The following STK32A variants were observed in gnomAD, a reference collection of about 807,000 sequenced individuals.
STK32A encodes serine/threonine kinase 32A.
STK32A carries 41 observed loss-of-function variants against 53.2 expected under a neutral mutation model. The ratio of observed to expected loss-of-function variants is 0.77; its 90% CI spans 0.60 to 1.00. STK32A has a LOEUF of 1.00. STK32A is among the 50% of genes least tolerant of loss of function. The probability of loss-of-function intolerance (pLI) is 0.00; values close to 1 mark genes in which losing one functional copy is unlikely to be tolerated. For missense variants in STK32A, 458 were observed against 485.8 expected, an observed-to-expected ratio of 0.94 and a Z score of 0.54; for synonymous variants, 166 against 162.8, an observed-to-expected ratio of 1.02 and a Z score of -0.15.
chr5:147,260,260 TCTCC>T (rs1490413079), intron 2 of STK32A, among the ~76,000 whole-genome samples: 1 of 135,654 alleles, frequency 7.4e-6, no homozygotes, highest in Non-Finnish European at 1.6e-5. Flanking sequence ...CTCTCCTCTC[TCTCC>T]CTCTCCCCTC....
chr5:147,294,929 C>G (rs1561700246), intron 4 of STK32A, among the ~76,000 whole-genome samples: 1 of 152,066 alleles, frequency 6.6e-6, no homozygotes, highest in Non-Finnish European at 1.5e-5. Context: ...ATGATCTGCC[C>G]GCCTCGGCCT....
intron 4 of STK32A, among the ~76,000 whole-genome samples, chr5:147,280,735 T>C (rs1440752953): frequency 1.3e-5 from 2 of 151,960 alleles, no homozygotes; most frequent in Non-Finnish European, 1.5e-5. Context: ...GGGCATATAA[T>C]CTTGGGAGTT....
intron 5 of STK32A, among the ~76,000 whole-genome samples, chr5:147,341,942 T>C (rs1755436262): frequency 6.6e-6 from 1 of 152,166 alleles, no homozygotes; most frequent in South Asian, 2.1e-4. Context: ...GTCTGGTGGT[T>C]AATACTTGGA....
downstream of STK32A, chr5:147,391,873 CG>C (rs1757818960): frequency 6.6e-6 from 1 of 152,112 alleles, no homozygotes; most frequent in Non-Finnish European, 1.5e-5. Context: ...TGGTTCACTT[CG>C]GAAGTCCCAA....
intron 2 of STK32A, among the ~76,000 whole-genome samples, chr5:147,259,536 C>A: frequency 8.0e-6 from 1 of 124,626 alleles, no homozygotes; most frequent in African/African-American, 3.4e-5. Flanking sequence ...TTAAATTTAC[C>A]CTGGCTTTTT....
chr5:147,373,430 GAA>G (rs1757093712), intron 10 of STK32A, 136 bp downstream of exon 10: 1 of 1,233,702 alleles, frequency 8.1e-7, no homozygotes. Context: ...ACAGATGAGA[GAA>G]TTGAGACATG....
intron 7 of STK32A, among the ~76,000 whole-genome samples, chr5:147,358,014 G>T (rs1756333360): frequency 6.6e-6 from 1 of 151,420 alleles, no homozygotes; most frequent in African/African-American, 2.4e-5. Context: ...TTTTTTTCTT[G>T]TAGATGAAAT....
chr5:147,266,819 G>A (rs1754832200), intron 2 of STK32A, among the ~76,000 whole-genome samples: 1 of 152,106 alleles, frequency 6.6e-6, no homozygotes, highest in Non-Finnish European at 1.5e-5. Context: ...GAGGTCGGGA[G>A]TTCAAGACCA....
intron 4 of STK32A, among the ~76,000 whole-genome samples, chr5:147,309,920 A>G (rs970523813): frequency 1.3e-5 from 2 of 152,180 alleles, no homozygotes; most frequent in African/African-American, 2.4e-5. Context: ...TTTTAATGTT[A>G]TTATATATGT....
At chr5:147,377,804 G>T (rs915866060) in intron 11 of STK32A, among the ~76,000 whole-genome samples, 2 of 151,966 alleles carry the variant, frequency 1.3e-5, no homozygotes, top group South Asian at 4.1e-4. Context: ...GTGCTTTCCG[G>T]AGTTTTGACA....
At chr5:147,353,695 G>A (rs1394016487) in intron 7 of STK32A, among the ~76,000 whole-genome samples, 3 of 152,084 alleles carry the variant, frequency 2.0e-5, no homozygotes, top group Non-Finnish European at 2.9e-5. Context: ...GGGAGGCGGA[G>A]GTTGCAGTGA....
intron 1 of STK32A, among the ~76,000 whole-genome samples, chr5:147,236,449 C>CAGCT (rs1318626186): frequency 6.6e-6 from 1 of 152,100 alleles, no homozygotes; most frequent in Non-Finnish European, 1.5e-5. Context: ...GAGAGTCCTA[C>CAGCT]AGCTCTACTG....
intron 4 of STK32A, among the ~76,000 whole-genome samples, chr5:147,310,623 C>A (rs1034787704): frequency 6.6e-6 from 1 of 152,288 alleles, no homozygotes; most frequent in South Asian, 2.1e-4. Flanking sequence ...TCTCTGTGAT[C>A]GGTCTATGAT....
intron 4 of STK32A, among the ~76,000 whole-genome samples, chr5:147,303,732 T>A (rs1393224328): frequency 6.6e-6 from 1 of 152,188 alleles, no homozygotes; most frequent in African/African-American, 2.4e-5. Context: ...CACATGATGT[T>A]ATTGAGTCCT....
chr5:147,369,951 C>G (rs1326902988), intron 8 of STK32A, among the ~76,000 whole-genome samples: 1 of 152,138 alleles, frequency 6.6e-6, no homozygotes, highest in Non-Finnish European at 1.5e-5. Flanking sequence ...AGGCTGTCCT[C>G]TAGTGTAAAG....
chr5:147,351,644 T>C (rs570674733), intron 7 of STK32A, among the ~76,000 whole-genome samples: 5 of 152,074 alleles, frequency 3.3e-5, no homozygotes, highest in African/African-American at 1.2e-4. Flanking sequence ...GTCAAAAGAT[T>C]GAGACCATCC....
intron 7 of STK32A, among the ~76,000 whole-genome samples, chr5:147,359,767 T>C (rs1278699675): frequency 6.6e-6 from 1 of 152,196 alleles, no homozygotes; most frequent in Non-Finnish European, 1.5e-5. Flanking sequence ...CAGTGATTCA[T>C]GAAAGGTGAA....
intron 4 of STK32A, among the ~76,000 whole-genome samples, chr5:147,310,246 CGGGT>C (rs1561710041): frequency 6.6e-6 from 1 of 152,050 alleles, no homozygotes; most frequent in Non-Finnish European, 1.5e-5. Flanking sequence ...AATCACTAGA[CGGGT>C]AAAGGAACAT....
chr5:147,372,044 A>T (rs1445909956), intron 9 of STK32A, among the ~76,000 whole-genome samples: 1 of 152,114 alleles, frequency 6.6e-6, no homozygotes, highest in African/African-American at 2.4e-5. Context: ...GAGGGTAGGG[A>T]CCATGTCTGA....
Sources: gnomAD v4.1 joint callset for allele counts (sites outside exome capture counted in the v4.1 genomes callset) on GRCh38, gnomAD v4.1.1 for gene constraint, MANE v1.5 for transcripts, NCBI Gene and HGNC (gene_info 2026-07-23, HGNC 2026-07-21) for gene names.